Variants in AK2 observed in about 807,000 individuals in gnomAD.
AK2 encodes the protein adenylate kinase 2, also known as adenylate kinase 2, mitochondrial.
AK2 carries 15 observed loss-of-function variants against 24.6 expected under a neutral mutation model. The ratio of observed to expected loss-of-function variants is 0.61; its 90% CI spans 0.41 to 0.94. The LOEUF (loss-of-function observed/expected upper bound fraction) is 0.94, where lower values mean the gene tolerates loss of function less well. AK2 is among the 40% of genes least tolerant of loss of function. The pLI is 0.00. For missense variants in AK2, 257 were observed against 304.1 expected, an observed-to-expected ratio of 0.85 and a Z score of 1.15; for synonymous variants, 102 against 114.0, an observed-to-expected ratio of 0.90 and a Z score of 0.67.
At chr1:33,033,700 G>A (rs1196156137) in intron 1 of AK2, among the ~76,000 whole-genome samples, 3 of 152,090 alleles carry the variant, frequency 2.0e-5, no homozygotes, top group Non-Finnish European at 2.9e-5. Context: ...TTTGTGAAGG[G>A]AGAATGGCTA....
At chr1:33,034,477 CACACACACACAT>C (rs963831333) in intron 1 of AK2, among the ~76,000 whole-genome samples, 3 of 151,012 alleles carry the variant, frequency 2.0e-5, no homozygotes, top group African/African-American at 7.4e-5. Context: ...CACACACACA[CACACACACACAT>C]ATATCATAAT....
At chr1:33,028,804 G>T (rs1443918402) in intron 1 of AK2, among the ~76,000 whole-genome samples, 1 of 152,170 alleles carries the variant, frequency 6.6e-6, no homozygotes, top group Non-Finnish European at 1.5e-5. Context: ...TCAAATTTCA[G>T]TGTATTATCA....
At position 33,012,105 on chromosome 1, in the gene AK2, T is replaced by C. The variant is rs1638858140; in HGVS notation, c.*1076A>G. 1 of 1,535,484 alleles carries C rather than the reference T, an allele frequency of 6.5e-7. No individual in the cohort carries two copies. Among genetic ancestry groups the C allele is most frequent in the Non-Finnish European group, 8.7e-7 (1 of 1,146,732 alleles). On this transcript the variant is annotated 3_prime_UTR_variant, in exon 6 of 6. Transcript: ENST00000672715. ...CTCTTTTTGGGGAAGTAGATTTGAC[T>C]GCTCTCAGATGATCAGCCTGGATGT...
At chr1:33,024,300 T>C (rs1234826761) in intron 2 of AK2, 142 bp downstream of exon 2, 4 of 1,147,884 alleles carry the variant, frequency 3.5e-6, no homozygotes, top group East Asian at 5.1e-5. Context: ...ATACTTGAAA[T>C]ATGGCTAGTG....
rs1473569982 is a variant in AK2, at chr1:33,008,288, G to A, written c.*4893C>T. 1 of 454,058 alleles carries A rather than the reference G, an allele frequency of 2.2e-6. No homozygotes were observed. The highest frequency in any genetic ancestry group is 7.0e-5 in the East Asian group (1 of 14,388). The allele number at this position is 454,058 out of a possible 1,614,324, so 28.1% of individuals were successfully genotyped here. A position where few individuals can be genotyped will look rare whatever the true frequency, so the allele number is the denominator to read the frequency against. ...TGATGAGGTGAGATAACTTGTCCAA[G>A]GTCGCATGGTGAAGTCGCTGTTGAA... On this transcript the variant is annotated 3_prime_UTR_variant, in exon 6 of 6. Coordinates refer to ENST00000672715, the MANE Select transcript of AK2 (RefSeq NM_001625.4).
intron 1 of AK2, among the ~76,000 whole-genome samples, chr1:33,028,687 G>A (rs1640055903): frequency 6.6e-6 from 1 of 152,126 alleles, no homozygotes; most frequent in South Asian, 2.1e-4. Flanking sequence ...CTGAGCCCAA[G>A]AAACAGGCTC....
chr1:33,011,148 G>C lies in AK2; in HGVS notation c.*2033C>G. Reference sequence around the variant, plus strand: ...GACGGATGACAAATATTTGGGCAAGGATCATGCACATAAAATTAGCAAACA... The same window carrying C: ...GACGGATGACAAATATTTGGGCAAGCATCATGCACATAAAATTAGCAAACA... On this transcript the variant is annotated 3_prime_UTR_variant, in exon 6 of 6. Coordinates refer to ENST00000672715, the MANE Select transcript of AK2 (RefSeq NM_001625.4). The C allele has an allele frequency of 7.3e-7, 1 of 1,377,370 alleles. No homozygotes were observed. Among genetic ancestry groups the C allele is most frequent in the Non-Finnish European group, 9.4e-7 (1 of 1,060,876 alleles). The allele number at this position is 1,377,370 out of a possible 1,614,324, so 85.3% of individuals were successfully genotyped here.
intron 1 of AK2, chr1:33,031,762 C>T: frequency 4.5e-6 from 2 of 442,162 alleles, no homozygotes; most frequent in Admixed American, 2.4e-5. Context: ...CTAAGCGTGC[C>T]TGGCCTCGAA....
At chr1:33,026,267 C>A (rs1429649272) in intron 1 of AK2, among the ~76,000 whole-genome samples, 1 of 152,236 alleles carries the variant, frequency 6.6e-6, no homozygotes, top group Non-Finnish European at 1.5e-5. Context: ...GGCACGATCA[C>A]GGCTCACTGC....
Position 33,021,357 on chromosome 1 carries a change from G to A in AK2, c.425+10C>T. On this transcript the variant is annotated intron_variant, in intron 4 of 5. Transcript: ENST00000672715. Reference sequence around the variant, plus strand: ...AGAAGCATGAAAAGGGACCTTCAAGGGACAAATACCTTCCTGTGATTCTTC... The same window carrying A: ...AGAAGCATGAAAAGGGACCTTCAAGAGACAAATACCTTCCTGTGATTCTTC... 1.2e-6 allele frequency: 2 copies of A among 1,612,508 alleles called. No homozygotes were observed. Among genetic ancestry groups the A allele is most frequent in the Non-Finnish European group, 1.7e-6 (2 of 1,178,810 alleles).
rs1638584346 is a variant in AK2, at chr1:33,008,045, T to C, written c.*5136A>G. 1 of 454,048 alleles carries C rather than the reference T, an allele frequency of 2.2e-6. No individual in the cohort carries two copies. The highest frequency in any genetic ancestry group is 2.3e-5 in the Admixed American group (1 of 42,558). 28.1% of individuals were successfully genotyped at this position (454,048 alleles called of 1,614,324 possible). On this transcript the variant is annotated 3_prime_UTR_variant, in exon 6 of 6. Coordinates refer to ENST00000672715, the MANE Select transcript of AK2 (RefSeq NM_001625.4). ...ATTAATTATGAAAACACATAAAGAA[T>C]TCTGCATATAATTTCAGAGGTCTAT...
Position 33,013,177 on chromosome 1 carries a change from A to G in AK2, c.*4T>C. ...TGGAAAGAAATTCCTTCTTGGACCC[A>G]ACATTAGATAAACATAACCAAGTCT... On this transcript the variant is annotated 3_prime_UTR_variant, in exon 6 of 6. Transcript: ENST00000672715. 1.2e-6 allele frequency: 2 copies of G among 1,614,142 alleles called. No homozygotes were observed. The highest frequency in any genetic ancestry group is 1.3e-5 in the African/African-American group (1 of 75,040).
At position 33,009,561 on chromosome 1, in the gene AK2, T is replaced by C. The variant is rs762478374; in HGVS notation, c.*3620A>G. The C allele has an allele frequency of 7.5e-5, 34 of 454,144 alleles. No homozygotes were observed. The highest frequency in any genetic ancestry group is 5.3e-4 in the South Asian group (34 of 64,476). 28.1% of individuals were successfully genotyped at this position (454,144 alleles called of 1,614,324 possible). On this transcript the variant is annotated 3_prime_UTR_variant, in exon 6 of 6. Transcript: ENST00000672715. ...AGGTACTGAGCAAAAACCTTCTTCC[T>C]ATAAATTTCATTTAATGCCATTAAG...
chr1:33,028,411 C>G (rs1640032891), intron 1 of AK2, among the ~76,000 whole-genome samples: 1 of 151,668 alleles, frequency 6.6e-6, no homozygotes, highest in Non-Finnish European at 1.5e-5. Context: ...AGAAGAATCG[C>G]TTAAAACTGG....
rs905745787 is a variant in AK2 at position 33,008,721 on chromosome 1, G to C, written c.*4460C>G. 4.4e-5 allele frequency: 20 copies of C among 453,964 alleles called. No homozygotes were observed. The highest frequency in any genetic ancestry group is 1.6e-4 in the South Asian group (10 of 64,476). The allele number at this position is 453,964 out of a possible 1,614,324, so 28.1% of individuals were successfully genotyped here. On this transcript the variant is annotated 3_prime_UTR_variant, in exon 6 of 6. Transcript: ENST00000672715. ...GTGAAGGACAGTTCTGACTCCACAG[G>C]GTGCTGTGTGAGGGTTACGTGAAGT...
chr1:33,008,885 C>T lies in AK2; in HGVS notation c.*4296G>A, dbSNP rs1225790064. 1 of 454,104 alleles carries T rather than the reference C, an allele frequency of 2.2e-6. No individual in the cohort carries two copies. The highest frequency in any genetic ancestry group is 2.3e-5 in the Admixed American group (1 of 42,576). The allele number at this position is 454,104 out of a possible 1,614,324, so 28.1% of individuals were successfully genotyped here. On this transcript the variant is annotated 3_prime_UTR_variant, in exon 6 of 6. Coordinates refer to ENST00000672715, the MANE Select transcript of AK2 (RefSeq NM_001625.4). ...AGAAGCAAACAAACAATAGCTCACC[C>T]AGTCTTCTCTGTTTATTCTTCTCAA...
At chr1:33,020,503 G>C (rs1215976413) in intron 4 of AK2, among the ~76,000 whole-genome samples, 1 of 152,136 alleles carries the variant, frequency 6.6e-6, no homozygotes, top group Non-Finnish European at 1.5e-5. Context: ...CTACATATAA[G>C]GAAACAGCCT....
intron 1 of AK2, among the ~76,000 whole-genome samples, chr1:33,035,267 AT>A (rs1228390886): frequency 6.6e-6 from 1 of 152,136 alleles, no homozygotes; most frequent in Non-Finnish European, 1.5e-5. Context: ...AGAAAGCTGT[AT>A]TTTCTGACTT....
At chr1:33,035,462 G>A (rs1231795911) in intron 1 of AK2, among the ~76,000 whole-genome samples, 1 of 152,228 alleles carries the variant, frequency 6.6e-6, no homozygotes, top group African/African-American at 2.4e-5. Context: ...AACTTGGCAA[G>A]TGCTAGGAAG....
Sources: allele counts gnomAD v4.1 joint callset (sites outside exome capture counted in the v4.1 genomes callset), GRCh38; gene constraint gnomAD v4.1.1; transcripts MANE v1.5; gene names NCBI Gene and HGNC (gene_info 2026-07-23, HGNC 2026-07-21).